The following NTNG1 variants were observed in gnomAD, a reference collection of about 807,000 sequenced individuals.
NTNG1 encodes netrin-G1.
NTNG1 carries 16 observed loss-of-function variants against 54.0 expected under a neutral mutation model. The ratio of observed to expected loss-of-function variants is 0.30; its 90% CI spans 0.20 to 0.45. The LOEUF is 0.45. Among genes scored for constraint, NTNG1 ranks in the 20% least tolerant of loss-of-function variants. The pLI is 1.00. For synonymous variants in NTNG1, 255 were observed against 263.1 expected (o/e 0.97, Z 0.30); for missense variants, 530 against 678.7 (o/e 0.78, Z 2.43).
At position 107,395,126 on chromosome 1, in the gene NTNG1, A is replaced by G. The variant is rs374815970; in HGVS notation, c.888-28A>G. On this transcript the variant is annotated intron_variant, in intron 3 of 7. Transcript: ENST00000370068. The stretch of plus-strand genomic sequence containing the variant: ...GTCACCAAGACCAACTTATCTGACA[A>G]TGAACTCTTTGTCTCTCCTCTGCCC... The G allele has an allele frequency of 1.0e-5, 16 of 1,598,842 alleles. No homozygotes were observed. In the East Asian group the frequency reaches 2.5e-4, roughly 25 times the overall value.
At chr1:107,329,589 C>G (rs1668162232) in intron 3 of NTNG1, among the ~76,000 whole-genome samples, 3 of 152,128 alleles carry the variant, frequency 2.0e-5, no homozygotes, top group African/African-American at 7.2e-5. Context: ...CTAGCCACAA[C>G]TGAAATAAAT....
chr1:107,438,900 A>T (rs1465913501), intron 7 of NTNG1, among the ~76,000 whole-genome samples: 2 of 152,344 alleles, frequency 1.3e-5, no homozygotes, highest in South Asian at 2.1e-4. Flanking sequence ...CCTCAGTTCC[A>T]GAACCTCACA....
At chr1:107,407,781 A>T in intron 5 of NTNG1, 73 bp downstream of exon 5, 1 of 1,265,548 alleles carries the variant, frequency 7.9e-7, no homozygotes, top group East Asian at 2.3e-5. Context: ...TCACCTCCTC[A>T]GATCTATTTT....
chr1:107,303,772 C>T (rs1330236116), intron 2 of NTNG1, among the ~76,000 whole-genome samples: 1 of 152,162 alleles, frequency 6.6e-6, no homozygotes, highest in South Asian at 2.1e-4. Context: ...CTGCAACCTC[C>T]GCCTCCCAGG....
intron 7 of NTNG1, among the ~76,000 whole-genome samples, chr1:107,446,856 G>A (rs1676336995): frequency 6.6e-6 from 1 of 152,088 alleles, no homozygotes. Flanking sequence ...TTGTCTTGAT[G>A]TAAATTCCAA....
intron 5 of NTNG1, among the ~76,000 whole-genome samples, chr1:107,428,631 T>G (rs1157143722): frequency 6.6e-6 from 1 of 152,076 alleles, no homozygotes; most frequent in Non-Finnish European, 1.5e-5. Flanking sequence ...TTCCAGGCAG[T>G]TCTCAAAAAG....
At position 107,481,638 on chromosome 1, in the gene NTNG1, G is replaced by A. The variant is rs956159404; in HGVS notation, c.*798G>A. ...GACAATCTGTTAATGTATCTAATTC[G>A]AATCAGCAAAGACTGACATTTTATT... On this transcript the variant is annotated 3_prime_UTR_variant, in exon 8 of 8. Transcript: ENST00000370068. 1 of 152,530 alleles carries A rather than the reference G, an allele frequency of 6.6e-6. No individual in the cohort carries two copies. The highest frequency in any genetic ancestry group is 2.4e-5 in the African/African-American group (1 of 41,400). The allele number at this position is 152,530 out of a possible 1,614,324, so 9.4% of individuals were successfully genotyped here.
intron 2 of NTNG1, among the ~76,000 whole-genome samples, chr1:107,172,807 A>G (rs944370568): frequency 2.0e-5 from 3 of 152,200 alleles, no homozygotes; most frequent in African/African-American, 7.2e-5. Flanking sequence ...ATACCAGAAG[A>G]AAGATTTAAA....
intron 3 of NTNG1, among the ~76,000 whole-genome samples, chr1:107,375,936 AAGAC>A (rs1024226163): frequency 5.3e-5 from 8 of 152,198 alleles, no homozygotes; most frequent in Non-Finnish European, 1.0e-4. Context: ...ATTTTGGAGA[AAGAC>A]AGAGAGTAGG....
chr1:107,343,780 G>C (rs2101934563), intron 3 of NTNG1, among the ~76,000 whole-genome samples: 2 of 152,134 alleles, frequency 1.3e-5, no homozygotes, highest in East Asian at 3.9e-4. Context: ...ATTTCTCTTT[G>C]TTTGTTCTCG....
At chr1:107,209,480 A>G (rs1283248243) in intron 2 of NTNG1, among the ~76,000 whole-genome samples, 2 of 152,166 alleles carry the variant, frequency 1.3e-5, no homozygotes, top group African/African-American at 4.8e-5. Flanking sequence ...AGGTAAGGTA[A>G]GAGAAGTCTT....
rs1553232702 is a variant in NTNG1 at position 107,361,392 on chromosome 1, T to TATATATATATATATA, written c.888-33762_888-33761insATATATATATATATA. On this transcript the variant is annotated intron_variant, in intron 3 of 7. Coordinates refer to ENST00000370068, the MANE Select transcript of NTNG1 (RefSeq NM_001113226.3). ...ATATATACATATATATATATATATA[T>TATATATATATATATA]TTTTTTTTTTTTTTGAGACACAGTT... Among the ~76,000 whole-genome samples the TATATATATATATATA allele has an allele frequency of 4.3e-4, 10 of 23,438 alleles. No individual in the cohort carries two copies. The East Asian group carries it at 0.014, about 32-fold the overall frequency. The allele number at this position is 23,438 out of a possible 152,430, so 15.4% of individuals were successfully genotyped here. A position where few individuals can be genotyped will look rare whatever the true frequency, so the allele number is the denominator to read the frequency against.
intron 1 of NTNG1, among the ~76,000 whole-genome samples, chr1:107,144,301 CATGCATATTTATAAA>C (rs1293516039): frequency 6.6e-6 from 1 of 151,924 alleles, no homozygotes; most frequent in Non-Finnish European, 1.5e-5. Context: ...CATTCAGAAA[CATGCATATTTATAAA>C]ATTCTTAATG....
chr1:107,292,653 G>A (rs1206336580), intron 2 of NTNG1, among the ~76,000 whole-genome samples: 1 of 152,066 alleles, frequency 6.6e-6, no homozygotes, highest in Non-Finnish European at 1.5e-5. Flanking sequence ...GAGTTTAAAT[G>A]GTATATGACC....
At chr1:107,453,372 C>T (rs575059018) in intron 7 of NTNG1, among the ~76,000 whole-genome samples, 3 of 152,154 alleles carry the variant, frequency 2.0e-5, no homozygotes, top group Admixed American at 6.5e-5. Flanking sequence ...AAACTTCATC[C>T]AGAAACTGAC....
rs1369183531 is a variant in NTNG1, at chr1:107,420,967, A to AT, written c.1088-9782dup. On this transcript the variant is annotated intron_variant, in intron 5 of 7. Transcript: ENST00000370068. ...TGAAACAAACTCCTAGAAACAACAG[A>AT]TACAAATAGTCTCTTAATTTAGGGC... 4.2e-6 allele frequency: 3 copies of AT among 712,578 alleles called. No homozygotes were observed. In the Admixed American group the frequency reaches 6.7e-5, roughly 16 times the overall value. 44.1% of individuals were successfully genotyped at this position (712,578 alleles called of 1,614,324 possible).
intron 3 of NTNG1, among the ~76,000 whole-genome samples, chr1:107,330,380 G>C (rs1668208397): frequency 6.6e-6 from 1 of 152,132 alleles, no homozygotes; most frequent in South Asian, 2.1e-4. Context: ...AGACTGGAAA[G>C]CTATAACATT....
At chr1:107,466,484 A>T (rs1276257497) in intron 7 of NTNG1, among the ~76,000 whole-genome samples, 2 of 152,208 alleles carry the variant, frequency 1.3e-5, no homozygotes, top group African/African-American at 4.8e-5. Flanking sequence ...TTATTCTAGA[A>T]TAACTCCCTA....
intron 2 of NTNG1, among the ~76,000 whole-genome samples, chr1:107,197,853 C>A (rs1392131479): frequency 6.6e-6 from 1 of 151,944 alleles, no homozygotes; most frequent in Non-Finnish European, 1.5e-5. Flanking sequence ...ATCCACCTGG[C>A]CACTGTTATT....
Sources: allele counts gnomAD v4.1 joint callset (sites outside exome capture counted in the v4.1 genomes callset), GRCh38; gene constraint gnomAD v4.1.1; transcripts MANE v1.5; gene names NCBI Gene and HGNC (gene_info 2026-07-23, HGNC 2026-07-21).